Variants in MAPK9 observed in about 807,000 individuals in gnomAD.
The protein encoded by MAPK9 is Jun kinase.
Under a neutral mutation model 57.1 loss-of-function variants are expected in MAPK9, and 30 were observed. The ratio of observed to expected loss-of-function variants is 0.53; its 90% CI spans 0.39 to 0.71. The LOEUF is 0.71. MAPK9 is among the 30% of genes least tolerant of loss of function. MAPK9 has a pLI of 0.00. For missense variants in MAPK9, 362 were observed against 521.0 expected (o/e 0.69, Z 2.97); for synonymous variants, 155 against 177.0 (o/e 0.88, Z 0.99).
At chr5:180,258,862 TA>T (rs531705510) in intron 5 of MAPK9, among the ~76,000 whole-genome samples, 1,623 of 96,032 alleles carry the variant, frequency 0.017, 25 homozygotes, top group African/African-American at 0.051. Flanking sequence ...CTGTCTCTAC[TA>T]AAAAAAAAAA....
chr5:180,270,031 T>A (rs893928390), intron 2 of MAPK9, among the ~76,000 whole-genome samples: 4 of 152,244 alleles, frequency 2.6e-5, no homozygotes, highest in African/African-American at 9.6e-5. Flanking sequence ...ACAGGCTGTG[T>A]TTCCAGCATC....
At chr5:180,280,308 A>C (rs1762209376) in intron 2 of MAPK9, 132 bp downstream of exon 2, 11 of 1,201,966 alleles carry the variant, frequency 9.2e-6, no homozygotes, top group Non-Finnish European at 1.3e-5. Flanking sequence ...CAAGCAGTTG[A>C]TTCAATTTAG....
chr5:180,237,208 CAAGCACCT>C (rs1757241920), intron 11 of MAPK9: 1 of 152,212 alleles, frequency 6.6e-6, no homozygotes, highest in Admixed American at 6.5e-5. Flanking sequence ...GCTCAGTTAA[CAAGCACCT>C]AAGTTCTTGC....
rs544173140 is a variant in MAPK9, at chr5:180,248,661, C to T, written c.616+312G>A. On this transcript the variant is annotated intron_variant, in intron 6 of 11. Coordinates refer to ENST00000452135, the MANE Select transcript of MAPK9 (RefSeq NM_002752.5). The stretch of plus-strand genomic sequence containing the variant: ...AGGAGGGGCCATGGGGAGGCCAGAG[C>T]TGCTGCTGCTGTGGGTGTGCTCACC... 6.6e-5 allele frequency among the ~76,000 whole-genome samples: 10 copies of T among 152,324 alleles called. No homozygotes were observed. In the South Asian group the frequency reaches 2.1e-3, roughly 32 times the overall value.
Position 180,261,816 on chromosome 5 carries a change from C to G in MAPK9, c.318G>C (p.Leu106Phe), listed in dbSNP as rs1021949029. Reference protein sequence around the residue: ...KTLEEFQDVYLVMELMDANLC... With the variant: ...KTLEEFQDVYFVMELMDANLC... The stretch of plus-strand genomic sequence containing the variant: ...AGTTAGCATCCATTAATTCCATAAC[C>G]AAATACCTGAGGGAGAAAAGGTCAG... The change falls in exon 5 of 12, where the codon TTG becomes TTC. Residue 106 changes from leucine (L) to phenylalanine (F), a missense_variant. Transcript: ENST00000452135. The G allele has an allele frequency of 6.2e-7, 1 of 1,603,814 alleles. No homozygotes were observed. The highest frequency in any genetic ancestry group is 8.5e-7 in the Non-Finnish European group (1 of 1,176,626).
chr5:180,238,467 A>C, intron 10 of MAPK9, 64 bp from the exon 11 acceptor site: 1 of 1,152,432 alleles, frequency 8.7e-7, no homozygotes, highest in Non-Finnish European at 1.3e-6. Flanking sequence ...GTATCTCTAA[A>C]CTCTGCTTCC....
Position 180,262,758 on chromosome 5 carries a change from C to A in MAPK9, c.312-936G>T, listed in dbSNP as rs553609392. 2.6e-5 allele frequency among the ~76,000 whole-genome samples: 4 copies of A among 152,098 alleles called. No homozygotes were observed. In the South Asian group the frequency reaches 8.3e-4, roughly 32 times the overall value. On this transcript the variant is annotated intron_variant, in intron 4 of 11. Transcript: ENST00000452135. ...AGCCTTCTCCCATTTTTTTCTTAAT[C>A]CCACTTGGATCAGGTTTGTGCAGCC...
intron 7 of MAPK9, chr5:180,246,905 G>T (rs1758162769): frequency 6.5e-6 from 1 of 152,834 alleles, no homozygotes; most frequent in Non-Finnish European, 1.5e-5. Flanking sequence ...TTAACATATT[G>T]TTCCTCACAA....
chr5:180,285,441 A>T (rs1167536053), intron 1 of MAPK9, among the ~76,000 whole-genome samples: 1 of 152,092 alleles, frequency 6.6e-6, no homozygotes, highest in Admixed American at 6.6e-5. Context: ...ACCTACCAAA[A>T]CACTTTTTCC....
At chr5:180,276,323 C>T (rs953814943) in intron 2 of MAPK9, among the ~76,000 whole-genome samples, 3 of 152,108 alleles carry the variant, frequency 2.0e-5, no homozygotes, top group Non-Finnish European at 2.9e-5. Context: ...TTCTAAGAAC[C>T]GCCAGACTCA....
intron 1 of MAPK9, among the ~76,000 whole-genome samples, chr5:180,282,973 C>T (rs1225246442): frequency 4.6e-5 from 7 of 151,892 alleles, no homozygotes; most frequent in African/African-American, 1.7e-4. Context: ...GGGTAGAGGG[C>T]GAGTGAAGCT....
chr5:180,269,268 T>C lies in MAPK9; in HGVS notation c.252+12A>G. ...TATGGAAGCACACAGACAAAATACA[T>C]ACATAACTTACATTTTTATGATTGA... is the stretch of plus-strand genomic sequence containing the variant. On this transcript the variant is annotated intron_variant, in intron 3 of 11. Transcript: ENST00000452135. 16 of 1,612,144 alleles carry C rather than the reference T, an allele frequency of 9.9e-6. No homozygotes were observed. Among genetic ancestry groups the C allele is most frequent in the Non-Finnish European group, 1.3e-5 (15 of 1,178,360 alleles).
rs572264180 is a variant in MAPK9, at chr5:180,283,512, C to T, written c.-47-2904G>A. ...ACAGATCAATCTCAACCCTGCTGAC[C>T]AACTCTGCAACTCTCCCTGCTATAA... is the stretch of plus-strand genomic sequence containing the variant. On this transcript the variant is annotated intron_variant, in intron 1 of 11. Transcript: ENST00000452135. Among the ~76,000 whole-genome samples the T allele has an allele frequency of 5.9e-5, 9 of 152,336 alleles. No individual in the cohort carries two copies. In the South Asian group the frequency reaches 1.2e-3, roughly 21 times the overall value.
chr5:180,266,893 C>T (rs1487216590), intron 3 of MAPK9, among the ~76,000 whole-genome samples: 2 of 152,124 alleles, frequency 1.3e-5, no homozygotes, highest in Non-Finnish European at 2.9e-5. Flanking sequence ...AAAATTCAGG[C>T]GTTAGAATGT....
At position 180,269,410 on chromosome 5, in the gene MAPK9, C is replaced by G; in HGVS notation, c.123-1G>C. On this transcript the variant is annotated splice_acceptor_variant, in intron 2 of 11. Transcript: ENST00000452135. LOFTEE classifies it high-confidence loss of function. ...CCCAAGAACTGTATCAAATGCAGCA[C>G]TAGAATTAGGAAATATAATGCACAA... The G allele has an allele frequency of 6.2e-7, 1 of 1,613,408 alleles. No individual in the cohort carries two copies.
At chr5:180,290,835 C>T (rs1763164242) in intron 1 of MAPK9, among the ~76,000 whole-genome samples, 1 of 152,252 alleles carries the variant, frequency 6.6e-6, no homozygotes, top group African/African-American at 2.4e-5. Flanking sequence ...TTCCTGTGTG[C>T]TTTCTAAGCA....
Position 180,233,829 on chromosome 5 carries a change from G to C in MAPK9, c.*2555C>G, listed in dbSNP as rs994053034. The C allele has an allele frequency of 6.6e-6, 1 of 152,226 alleles. No individual in the cohort carries two copies. Among genetic ancestry groups the C allele is most frequent in the African/African-American group, 2.4e-5 (1 of 41,446 alleles). The allele number at this position is 152,226 out of a possible 1,614,324, so 9.4% of individuals were successfully genotyped here. ...TGCGGGTTGAAGCAGCACCCGCTCC[G>C]TGTTTCAGACACGGACTTGGGGTGG... On this transcript the variant is annotated 3_prime_UTR_variant, in exon 12 of 12. Coordinates refer to ENST00000452135, the MANE Select transcript of MAPK9 (RefSeq NM_002752.5).
intron 5 of MAPK9, among the ~76,000 whole-genome samples, chr5:180,251,725 A>G (rs1293340702): frequency 6.6e-6 from 1 of 152,240 alleles, no homozygotes; most frequent in Admixed American, 6.5e-5. Context: ...TGCCAAGTAC[A>G]GATCCAAGTG....
chr5:180,248,626 G>A (rs144901408), intron 6 of MAPK9, among the ~76,000 whole-genome samples: 11 of 152,304 alleles, frequency 7.2e-5, no homozygotes, highest in Non-Finnish European at 4.4e-5. Context: ...GGCCAGCCTC[G>A]TGGGCTGCGA....
Sources: allele counts gnomAD v4.1 joint callset (sites outside exome capture counted in the v4.1 genomes callset), GRCh38; gene constraint gnomAD v4.1.1; transcripts MANE v1.5; gene names NCBI Gene and HGNC (gene_info 2026-07-23, HGNC 2026-07-21).